NFAM1: variants seen among roughly 807,000 people sequenced by gnomAD.
NFAM1 encodes the protein NFAT activation molecule 1.
NFAM1 carries 17 observed loss-of-function variants against 29.0 expected under a neutral mutation model. The observed-to-expected ratio is 0.59, with a 90% CI of 0.40 to 0.88. The LOEUF (loss-of-function observed/expected upper bound fraction) is 0.88. NFAM1 is among the 40% of genes least tolerant of loss of function. The pLI is 0.00. For synonymous variants in NFAM1, 175 were observed against 147.2 expected (o/e 1.19, Z -1.36); for missense variants, 324 against 344.6 (o/e 0.94, Z 0.47).
chr22:42,394,644 T>G (rs1017015302), intron 4 of NFAM1, among the ~76,000 whole-genome samples: 2 of 151,926 alleles, frequency 1.3e-5, no homozygotes, highest in Admixed American at 6.6e-5. Context: ...GTGCACAAAT[T>G]AGAAAAGAAG....
chr22:42,380,815 A>T lies in NFAM1; in HGVS notation c.*4346T>A, dbSNP rs541816484. Reference sequence around the variant, plus strand: ...TTAACAAAAAAAAAAAGAGAGAGAGAGAGAAAGAAAAAGGAAAAGCAGGTT... The same window carrying T: ...TTAACAAAAAAAAAAAGAGAGAGAGTGAGAAAGAAAAAGGAAAAGCAGGTT... On this transcript the variant is annotated 3_prime_UTR_variant, in exon 6 of 6. Coordinates refer to ENST00000329021, the MANE Select transcript of NFAM1 (RefSeq NM_145912.8). 3 of 151,376 alleles carry T rather than the reference A, an allele frequency of 2.0e-5. No homozygotes were observed. The highest frequency in any genetic ancestry group is 7.3e-5 in the African/African-American group (3 of 41,220). The allele number at this position is 151,376 out of a possible 1,614,324, so 9.4% of individuals were successfully genotyped here. A position where few individuals can be genotyped will look rare whatever the true frequency, so the allele number is the denominator to read the frequency against.
At chr22:42,396,955 A>ACCTGGGGG (rs1929549480) in intron 4 of NFAM1, among the ~76,000 whole-genome samples, 3 of 140,538 alleles carry the variant, frequency 2.1e-5, no homozygotes, top group South Asian at 5.4e-4. Flanking sequence ...GCACCTGGGG[A>ACCTGGGGG]GCGTGCACCT....
chr22:42,397,912 T>C lies in NFAM1; in HGVS notation c.609A>G (p.Pro203=). 1.9e-6 allele frequency: 3 copies of C among 1,612,798 alleles called. No individual in the cohort carries two copies. The highest frequency in any genetic ancestry group is 2.5e-6 in the Non-Finnish European group (3 of 1,179,264). Residue 203 remains proline, a synonymous_variant, in exon 4 of 6, where the codon CCA becomes CCG. Transcript: ENST00000329021. ...GPGKDPTRKC[P]DPRSASSPKQ... is the part of the protein sequence containing the mutation. ...TGGGGCTGCTGGCAGATCTTGGATCTGGGCACTTCCTGGTGGGGTCCTTCC... is the reference window on the plus strand; with the variant it reads ...TGGGGCTGCTGGCAGATCTTGGATCCGGGCACTTCCTGGTGGGGTCCTTCC...
At chr22:42,392,298 A>C (rs1569226193) in intron 4 of NFAM1, among the ~76,000 whole-genome samples, 1 of 152,120 alleles carries the variant, frequency 6.6e-6, no homozygotes, top group Non-Finnish European at 1.5e-5. Context: ...AAGTGAAGAA[A>C]GTGTGTTTGA....
At position 42,388,722 on chromosome 22, in the gene NFAM1, CT is replaced by C. The variant is rs1929233883; in HGVS notation, c.664-1645del. Among the ~76,000 whole-genome samples, 1 of 152,176 alleles carries C rather than the reference CT, an allele frequency of 6.6e-6. No individual in the cohort carries two copies. Among genetic ancestry groups the C allele is most frequent in the African/African-American group, 2.4e-5 (1 of 41,436 alleles). On this transcript the variant is annotated intron_variant, in intron 4 of 5. Transcript: ENST00000329021. This position sits in a 1 kb window ranked among gnomAD's most constrained non-coding sequence, Gnocchi z 4.1. ...AATCCAAGTAATAAACCATTTGGCA[CT>C]TGGGAGACCCTCACTTCAAGGGCAT...
At chr22:42,395,941 AC>A (rs1929510414) in intron 4 of NFAM1, among the ~76,000 whole-genome samples, 1 of 147,044 alleles carries the variant, frequency 6.8e-6, no homozygotes, top group Non-Finnish European at 1.5e-5. Flanking sequence ...TGGGGACAAA[AC>A]CTTTACCCTA....
At chr22:42,437,001 T>C, upstream of NFAM1, 1 of 984,308 alleles carries the variant, frequency 1.0e-6, no homozygotes, top group Non-Finnish European at 1.2e-6. Flanking sequence ...ACTGGACACA[T>C]ACCATGGTCC....
chr22:42,433,411 G>A (rs1930867567), upstream of NFAM1, among the ~76,000 whole-genome samples: 1 of 152,148 alleles, frequency 6.6e-6, no homozygotes, highest in African/African-American at 2.4e-5. Flanking sequence ...GAAGACCTCG[G>A]CCCCAGGAGG....
chr22:42,415,294 C>CTTTTTTTTTTTTTTTTT (rs398037250), intron 1 of NFAM1, among the ~76,000 whole-genome samples: 12 of 94,832 alleles, frequency 1.3e-4, no homozygotes, highest in East Asian at 2.8e-4. Context: ...TTCTTTCTTT[C>CTTTTTTTTTTTTTTTTT]TTTTTTTTTT....
rs560264949 is a variant in NFAM1 at position 42,409,198 on chromosome 22, G to A, written c.564+237C>T. Among the ~76,000 whole-genome samples, 109 of 152,344 alleles carry A rather than the reference G, an allele frequency of 7.2e-4. No individual in the cohort carries two copies. The highest frequency in any genetic ancestry group is 2.6e-3 in the African/African-American group (106 of 41,562). ...AGGTTCTCAGAGGGACATGGGACCTGGGAAAGCCTGCAGAGCCCTGGTTTC... is the reference window on the plus strand; with the variant it reads ...AGGTTCTCAGAGGGACATGGGACCTAGGAAAGCCTGCAGAGCCCTGGTTTC... On this transcript the variant is annotated intron_variant, in intron 3 of 5. Transcript: ENST00000329021. The surrounding 1 kb of genome is among the most constrained non-coding windows in gnomAD (Gnocchi z 4.9).
chr22:42,398,340 C>T (rs992745856), intron 3 of NFAM1, among the ~76,000 whole-genome samples: 3 of 150,110 alleles, frequency 2.0e-5, no homozygotes, highest in Non-Finnish European at 2.9e-5. Context: ...GTCACTGGCT[C>T]TGGCCTCGAG....
chr22:42,393,440 G>A (rs8139546), intron 4 of NFAM1, among the ~76,000 whole-genome samples: 8,161 of 151,484 alleles, frequency 0.054, 389 homozygotes, highest in African/African-American at 0.11. Flanking sequence ...TCGGAGTCTC[G>A]CTCTGTGGCC....
upstream of NFAM1, among the ~76,000 whole-genome samples, chr22:42,436,306 A>C (rs1286681313): frequency 1.3e-5 from 2 of 152,216 alleles, no homozygotes; most frequent in East Asian, 3.8e-4. Flanking sequence ...CAAAGACTCC[A>C]GCACCAAGAG....
At chr22:42,385,256 A>G in intron 5 of NFAM1, 36 bp from the exon 6 acceptor site, 1 of 1,410,906 alleles carries the variant, frequency 7.1e-7, no homozygotes, top group Non-Finnish European at 1.0e-6. Flanking sequence ...GAAGGAGAGA[A>G]AGAGAGAGAA....
intron 4 of NFAM1, among the ~76,000 whole-genome samples, chr22:42,397,427 C>T (rs1929567196): frequency 6.6e-6 from 1 of 152,234 alleles, no homozygotes; most frequent in African/African-American, 2.4e-5. Context: ...TTACAAATCA[C>T]TGATGTGTTA....
chr22:42,399,694 C>T (rs531863345), intron 3 of NFAM1, among the ~76,000 whole-genome samples: 23 of 152,216 alleles, frequency 1.5e-4, no homozygotes, highest in African/African-American at 4.6e-4. Flanking sequence ...TGGGGAGTCA[C>T]GAGGCGGTAC....
intron 1 of NFAM1, among the ~76,000 whole-genome samples, chr22:42,421,255 A>G (rs564302011): frequency 3.6e-4 from 55 of 152,238 alleles, no homozygotes; most frequent in African/African-American, 1.3e-3. Context: ...GTTTGAGACC[A>G]GCCTGGCCAA....
At position 42,409,429 on chromosome 22, in the gene NFAM1, C is replaced by A; in HGVS notation, c.564+6G>T. The A allele has an allele frequency of 2.1e-6, 3 of 1,436,524 alleles. No individual in the cohort carries two copies. Among genetic ancestry groups the A allele is most frequent in the Non-Finnish European group, 2.8e-6 (3 of 1,069,832 alleles). 89.0% of individuals were successfully genotyped at this position (1,436,524 alleles called of 1,614,324 possible). On this transcript the variant is annotated splice_donor_region_variant and intron_variant, in intron 3 of 5. Transcript: ENST00000329021. The surrounding 1 kb of genome is among the most constrained non-coding windows in gnomAD (Gnocchi z 4.9). ...GGCTGCATGGCTGTGAGCACTGATC[C>A]CGTACCTTGTTCCAGAGCAGCAGGG...
intron 3 of NFAM1, among the ~76,000 whole-genome samples, chr22:42,408,897 G>A (rs1405917086): frequency 3.3e-5 from 5 of 152,182 alleles, no homozygotes; most frequent in East Asian, 3.9e-4. Context: ...AAATCACAAC[G>A]TCTCTGAGCC....
Sources: allele counts gnomAD v4.1 joint callset (sites outside exome capture counted in the v4.1 genomes callset), GRCh38; gene constraint gnomAD v4.1.1; non-coding constraint Gnocchi (gnomAD v3.1); transcripts MANE v1.5; gene names NCBI Gene and HGNC (gene_info 2026-07-23, HGNC 2026-07-21).